Variants in NAALADL2 observed in about 807,000 individuals in gnomAD.
NAALADL2 encodes N-acetylated alpha-linked acidic dipeptidase like 2, also known as inactive N-acetylated-alpha-linked acidic dipeptidase-like protein 2.
In NAALADL2, 76 loss-of-function variants were observed where a neutral mutation model predicts 87.2. The ratio of observed to expected loss-of-function variants is 0.87; its 90% CI spans 0.72 to 1.05. NAALADL2 has a LOEUF of 1.05. Among genes scored for constraint, NAALADL2 ranks in the 50% least tolerant of loss-of-function variants. The probability of loss-of-function intolerance (pLI) is 0.00; values close to 1 mark genes in which losing one functional copy is unlikely to be tolerated. For synonymous variants in NAALADL2, 354 were observed against 331.0 expected (o/e 1.07, Z -0.75); for missense variants, 1,089 against 945.8 (o/e 1.15, Z -1.99).
At chr3:175,207,297 G>A (rs75066060) in intron 2 of NAALADL2, among the ~76,000 whole-genome samples, 11,389 of 151,802 alleles carry the variant, frequency 0.075, 1,148 homozygotes, top group African/African-American at 0.22. Flanking sequence ...CAAACCACAG[G>A]TGTGTAAAGA....
intron 2 of NAALADL2, among the ~76,000 whole-genome samples, chr3:175,180,783 A>T (rs936953288): frequency 6.6e-6 from 1 of 151,712 alleles, no homozygotes; most frequent in Non-Finnish European, 1.5e-5. Flanking sequence ...ACTATTTGTT[A>T]TGTTGCTGGC....
intron 2 of NAALADL2, among the ~76,000 whole-genome samples, chr3:175,232,323 C>T (rs968248954): frequency 7.2e-5 from 11 of 152,006 alleles, no homozygotes; most frequent in Non-Finnish European, 1.0e-4. Flanking sequence ...AGGAGATAAC[C>T]GAGAAACTGT....
At chr3:175,010,404 A>C (rs1043793703) in intron 1 of NAALADL2, among the ~76,000 whole-genome samples, 1 of 152,132 alleles carries the variant, frequency 6.6e-6, no homozygotes, top group Non-Finnish European at 1.5e-5. Context: ...AAAGCACTTG[A>C]CCTTCATTTG....
At chr3:174,863,240 G>T (rs938848447) in intron 1 of NAALADL2, among the ~76,000 whole-genome samples, 10 of 152,178 alleles carry the variant, frequency 6.6e-5, no homozygotes, top group African/African-American at 2.4e-4. Context: ...TTTTACGGAA[G>T]AATTTGGTGC....
At chr3:174,720,244 T>C (rs1731581802) in intron 2 of NAALADL2, among the ~76,000 whole-genome samples, 3 of 152,214 alleles carry the variant, frequency 2.0e-5, no homozygotes, top group Admixed American at 2.0e-4. Flanking sequence ...ATGTGATTTA[T>C]TTTTTAAAGG....
At chr3:174,787,610 T>TATACAC (rs1259364058) in intron 3 of NAALADL2, among the ~76,000 whole-genome samples, 14 of 111,834 alleles carry the variant, frequency 1.3e-4, no homozygotes, top group East Asian at 2.5e-4. Flanking sequence ...TATATATATA[T>TATACAC]ATATATATAT....
chr3:174,851,138 A>G (rs1186549623), intron 3 of NAALADL2, among the ~76,000 whole-genome samples: 2 of 152,082 alleles, frequency 1.3e-5, no homozygotes, highest in Non-Finnish European at 2.9e-5. Context: ...GCTTAGAACA[A>G]TAAATGCCTT....
At chr3:175,325,354 C>G (rs1380401006) in intron 5 of NAALADL2, among the ~76,000 whole-genome samples, 1 of 152,122 alleles carries the variant, frequency 6.6e-6, no homozygotes, top group Non-Finnish European at 1.5e-5. Flanking sequence ...AAAAGTATTC[C>G]TTTAATAATC....
chr3:175,101,393 T>A (rs1722142373), intron 2 of NAALADL2, among the ~76,000 whole-genome samples: 1 of 152,186 alleles, frequency 6.6e-6, no homozygotes, highest in Non-Finnish European at 1.5e-5. Flanking sequence ...GAGATGCTGG[T>A]TATCTTGTAT....
chr3:175,261,191 C>T (rs915982542), intron 4 of NAALADL2, among the ~76,000 whole-genome samples: 4 of 152,050 alleles, frequency 2.6e-5, no homozygotes, highest in African/African-American at 9.7e-5. Flanking sequence ...TCACAATGTA[C>T]TCACATTTCT....
intron 1 of NAALADL2, among the ~76,000 whole-genome samples, chr3:174,530,945 T>G (rs1463667089): frequency 6.6e-6 from 1 of 152,232 alleles, no homozygotes; most frequent in African/African-American, 2.4e-5. Flanking sequence ...CAGTTTATTT[T>G]GTGAAACTAT....
chr3:174,883,046 G>A (rs187037844), intron 1 of NAALADL2, among the ~76,000 whole-genome samples: 1 of 152,074 alleles, frequency 6.6e-6, no homozygotes, highest in Non-Finnish European at 1.5e-5. Context: ...AGAACTTGGA[G>A]TCCGATGTTC....
At chr3:174,883,597 A>G (rs1729698685) in intron 1 of NAALADL2, among the ~76,000 whole-genome samples, 1 of 152,234 alleles carries the variant, frequency 6.6e-6, no homozygotes, top group African/African-American at 2.4e-5. Flanking sequence ...AAGTGTATAC[A>G]TGCACAAACA....
chr3:175,230,886 A>G (rs13065302), intron 2 of NAALADL2, among the ~76,000 whole-genome samples: 92 of 151,958 alleles, frequency 6.1e-4, no homozygotes, highest in African/African-American at 2.1e-3. Flanking sequence ...ACACAGGTGC[A>G]TACCTTATGG....
intron 1 of NAALADL2, among the ~76,000 whole-genome samples, chr3:174,454,451 A>G (rs966316667): frequency 7.9e-5 from 12 of 152,298 alleles, no homozygotes; most frequent in African/African-American, 2.6e-4. Flanking sequence ...TCTCATCACC[A>G]CATTACACAT....
intron 10 of NAALADL2, among the ~76,000 whole-genome samples, chr3:175,610,018 T>C (rs1185952835): frequency 6.6e-6 from 1 of 152,190 alleles, no homozygotes; most frequent in African/African-American, 2.4e-5. Flanking sequence ...TAATTTATAA[T>C]ATCTTTTCCA....
chr3:175,681,383 T>C (rs1211988345), intron 11 of NAALADL2, among the ~76,000 whole-genome samples: 1 of 152,162 alleles, frequency 6.6e-6, no homozygotes, highest in East Asian at 1.9e-4. Flanking sequence ...ATTACATTCT[T>C]CATGGTATCT....
intron 5 of NAALADL2, among the ~76,000 whole-genome samples, chr3:175,347,291 G>A (rs78021488): frequency 0.025 from 3,828 of 152,266 alleles, 141 homozygotes; most frequent in African/African-American, 0.087. Flanking sequence ...CCAGGATCCA[G>A]TAGCTGGTAA....
intron 4 of NAALADL2, among the ~76,000 whole-genome samples, chr3:175,296,299 A>G (rs1756368920): frequency 6.6e-6 from 1 of 152,128 alleles, no homozygotes; most frequent in Non-Finnish European, 1.5e-5. Context: ...CAAATGGAAG[A>G]GCTGTCCTGC....
Sources: allele counts gnomAD v4.1 joint callset (sites outside exome capture counted in the v4.1 genomes callset), GRCh38; gene constraint gnomAD v4.1.1; transcripts MANE v1.5; gene names NCBI Gene and HGNC (gene_info 2026-07-23, HGNC 2026-07-21).